The following INPP4B variants were observed in gnomAD, a reference collection of about 807,000 sequenced individuals.
The protein encoded by INPP4B is inositol polyphosphate-4-phosphatase type II B.
In INPP4B, 55 loss-of-function variants were observed where a neutral mutation model predicts 122.5. That is an observed-to-expected ratio of 0.45 (90% CI 0.36 to 0.56). The LOEUF (loss-of-function observed/expected upper bound fraction) is 0.56. Ranked by LOEUF, INPP4B falls within the 20% of genes least tolerant of loss-of-function variation. INPP4B has a pLI of 0.00. For missense variants in INPP4B, 1,000 were observed against 1,097.7 expected (o/e 0.91, Z 1.26); for synonymous variants, 403 against 388.7 (o/e 1.04, Z -0.43).
intron 2 of INPP4B, among the ~76,000 whole-genome samples, chr4:142,548,749 CTGTGTGTGTG>C (rs35765248): frequency 2.1e-5 from 3 of 145,030 alleles, no homozygotes; most frequent in East Asian, 2.0e-4. Flanking sequence ...ACAGATGTGT[CTGTGTGTGTG>C]TGTGTGTGTG....
chr4:142,043,432 C>CAA (rs1161266977), intron 25 of INPP4B, among the ~76,000 whole-genome samples: 1 of 152,082 alleles, frequency 6.6e-6, no homozygotes, highest in Non-Finnish European at 1.5e-5. Context: ...ATTTCTTCTA[C>CAA]AAAGATTCAA....
intron 22 of INPP4B, among the ~76,000 whole-genome samples, chr4:142,110,404 A>C (rs1789423465): frequency 6.6e-6 from 1 of 152,146 alleles, no homozygotes; most frequent in Non-Finnish European, 1.5e-5. Context: ...ACAGCAGCCC[A>C]AGCAGACTAA....
At position 142,080,545 on chromosome 4, in the gene INPP4B, A is replaced by G. The variant is rs530081130; in HGVS notation, c.2642+1486T>C. On this transcript the variant is annotated intron_variant, in intron 25 of 25. Transcript: ENST00000262992. ...ACAAAAATGAATCATCACAAATGCT[A>G]TATCATGAGCAAATGTATTGCATAT... 3.9e-5 allele frequency among the ~76,000 whole-genome samples: 6 copies of G among 152,292 alleles called. No individual in the cohort carries two copies. In the South Asian group the frequency reaches 1.0e-3, roughly 26 times the overall value.
At chr4:142,760,456 G>C (rs1771163959) in intron 1 of INPP4B, among the ~76,000 whole-genome samples, 1 of 152,098 alleles carries the variant, frequency 6.6e-6, no homozygotes, top group Admixed American at 6.6e-5. Flanking sequence ...TAAATGACCA[G>C]CTGTATACTT....
At chr4:142,578,156 C>T (rs1289679179) in intron 2 of INPP4B, among the ~76,000 whole-genome samples, 1 of 151,906 alleles carries the variant, frequency 6.6e-6, no homozygotes, top group Non-Finnish European at 1.5e-5. Flanking sequence ...GTGAATGACA[C>T]AAAAATTGAA....
chr4:142,169,930 G>A (rs1299071163), intron 16 of INPP4B, among the ~76,000 whole-genome samples: 6 of 151,692 alleles, frequency 4.0e-5, no homozygotes, highest in African/African-American at 1.5e-4. Context: ...TGGAGAAAGT[G>A]ATGGGTGTTT....
At chr4:142,664,574 A>C (rs1266521295) in intron 2 of INPP4B, among the ~76,000 whole-genome samples, 4 of 152,154 alleles carry the variant, frequency 2.6e-5, no homozygotes, top group African/African-American at 9.7e-5. Context: ...ATAATAACAA[A>C]TACTGAAGAC....
chr4:142,181,614 C>T (rs929690742), intron 15 of INPP4B, among the ~76,000 whole-genome samples: 5 of 152,094 alleles, frequency 3.3e-5, no homozygotes, highest in African/African-American at 9.7e-5. Flanking sequence ...TTTAGCGATG[C>T]AGAATAGTTT....
chr4:142,716,047 T>A (rs1056962742), intron 2 of INPP4B, among the ~76,000 whole-genome samples: 1 of 152,166 alleles, frequency 6.6e-6, no homozygotes, highest in Non-Finnish European at 1.5e-5. Flanking sequence ...GCAAGCAGCT[T>A]CTATGTCAAC....
chr4:142,066,483 T>C (rs1763558789), intron 25 of INPP4B, among the ~76,000 whole-genome samples: 2 of 152,228 alleles, frequency 1.3e-5, no homozygotes, highest in African/African-American at 2.4e-5. Flanking sequence ...CCAGTAGTTC[T>C]GGGAAGGGCC....
intron 1 of INPP4B, among the ~76,000 whole-genome samples, chr4:142,769,049 A>G (rs1365538292): frequency 6.6e-6 from 1 of 152,202 alleles, no homozygotes; most frequent in Non-Finnish European, 1.5e-5. Context: ...TAGTGAAGAG[A>G]AGAGGTCAAA....
chr4:142,404,732 A>G (rs1802768655), intron 6 of INPP4B, among the ~76,000 whole-genome samples: 3 of 152,186 alleles, frequency 2.0e-5, no homozygotes, highest in East Asian at 1.9e-4. Context: ...TCCACAGACT[A>G]AAGAATACCG....
At chr4:142,240,382 A>G (rs1340924989) in intron 11 of INPP4B, among the ~76,000 whole-genome samples, 2 of 152,130 alleles carry the variant, frequency 1.3e-5, no homozygotes, top group African/African-American at 4.8e-5. Context: ...CACTCTGAAT[A>G]TAAACCTTTG....
intron 16 of INPP4B, among the ~76,000 whole-genome samples, chr4:142,168,415 T>C (rs548658005): frequency 6.6e-6 from 1 of 151,758 alleles, no homozygotes; most frequent in Non-Finnish European, 1.5e-5. Context: ...TGTCAGATTT[T>C]ATTGCATTCC....
intron 12 of INPP4B, among the ~76,000 whole-genome samples, chr4:142,218,926 A>T (rs1045123016): frequency 6.6e-6 from 1 of 152,204 alleles, no homozygotes; most frequent in South Asian, 2.1e-4. Flanking sequence ...ACACCATAAA[A>T]CTGAGCAAAG....
chr4:142,034,240 T>C (rs1742356188), intron 25 of INPP4B, among the ~76,000 whole-genome samples: 1 of 152,136 alleles, frequency 6.6e-6, no homozygotes, highest in Non-Finnish European at 1.5e-5. Flanking sequence ...CCAGGGACAT[T>C]GGGCAATATC....
intron 2 of INPP4B, among the ~76,000 whole-genome samples, chr4:142,623,914 C>A (rs1182235042): frequency 1.3e-5 from 2 of 152,052 alleles, no homozygotes; most frequent in Admixed American, 6.6e-5. Context: ...TTTTTTATGG[C>A]TGCATAGTAT....
chr4:142,769,632 C>T (rs994195310), intron 1 of INPP4B, among the ~76,000 whole-genome samples: 2 of 151,952 alleles, frequency 1.3e-5, no homozygotes, highest in African/African-American at 4.8e-5. Flanking sequence ...GTGCAAATAC[C>T]AGCCAGGTAT....
chr4:142,582,636 A>C (rs1167076472), intron 2 of INPP4B, among the ~76,000 whole-genome samples: 1 of 152,116 alleles, frequency 6.6e-6, no homozygotes, highest in Non-Finnish European at 1.5e-5. Flanking sequence ...AGAGGAAAGG[A>C]GGTCTTTTGT....
Sources: allele counts gnomAD v4.1 joint callset (sites outside exome capture counted in the v4.1 genomes callset), GRCh38; gene constraint gnomAD v4.1.1; transcripts MANE v1.5; gene names NCBI Gene and HGNC (gene_info 2026-07-23, HGNC 2026-07-21).